Variants in LRMDA observed in about 807,000 individuals in gnomAD.
The protein encoded by LRMDA is leucine rich melanocyte differentiation associated, also known as leucine-rich melanocyte differentiation-associated protein.
In LRMDA, 18 loss-of-function variants were observed where a neutral mutation model predicts 29.8. That is an observed-to-expected ratio of 0.60 (90% CI 0.42 to 0.90). LRMDA has a LOEUF of 0.90. Ranked by LOEUF, LRMDA falls within the 40% of genes least tolerant of loss-of-function variation. The pLI is 0.00. For missense variants in LRMDA, 273 were observed against 273.9 expected, an observed-to-expected ratio of 1.00 and a Z score of 0.02; for synonymous variants, 125 against 109.4, an observed-to-expected ratio of 1.14 and a Z score of -0.89.
chr10:75,706,807 G>A (rs986910434), intron 2 of LRMDA, among the ~76,000 whole-genome samples: 5 of 147,050 alleles, frequency 3.4e-5, no homozygotes, highest in African/African-American at 1.0e-4. Context: ...CAGCTTTTAC[G>A]GAGTCAGAAT....
chr10:75,678,259 T>C (rs905056575), intron 2 of LRMDA, among the ~76,000 whole-genome samples: 14 of 152,134 alleles, frequency 9.2e-5, no homozygotes, highest in African/African-American at 3.4e-4. Context: ...ACTAGAACTC[T>C]CCTAGTCAAA....
intron 5 of LRMDA, among the ~76,000 whole-genome samples, chr10:76,125,301 T>C (rs1360349731): frequency 6.6e-6 from 1 of 152,186 alleles, no homozygotes; most frequent in Non-Finnish European, 1.5e-5. Context: ...TGCGTTCGGC[T>C]GTGTTGTGCA....
chr10:76,033,278 T>G (rs1055224117), intron 2 of LRMDA, among the ~76,000 whole-genome samples: 2 of 152,138 alleles, frequency 1.3e-5, no homozygotes, highest in African/African-American at 4.8e-5. Flanking sequence ...AAACAAGGAT[T>G]TATTCATTAG....
At chr10:75,812,090 T>G (rs1451323490) in intron 2 of LRMDA, among the ~76,000 whole-genome samples, 1 of 150,098 alleles carries the variant, frequency 6.7e-6, no homozygotes, top group East Asian at 2.0e-4. Flanking sequence ...TAATAGTTTC[T>G]AAGGGGCTTT....
intron 2 of LRMDA, among the ~76,000 whole-genome samples, chr10:75,765,853 A>T (rs1843157636): frequency 6.9e-6 from 1 of 145,320 alleles, no homozygotes; most frequent in African/African-American, 2.6e-5. Context: ...GTGTGTCATG[A>T]TGCTGCTGAG....
chr10:76,522,868 G>A (rs923211236), intron 6 of LRMDA, among the ~76,000 whole-genome samples: 5 of 152,052 alleles, frequency 3.3e-5, no homozygotes, highest in African/African-American at 7.2e-5. Context: ...GTTGTAAGCC[G>A]CCTGAGCAGT....
rs1043483867 is a variant in LRMDA, at chr10:76,047,052, C to G, written c.259-112C>G. Reference sequence around the variant, plus strand: ...CCACAGCTGAATTGATTTCAGCCCCCACCCTGAGGTCTCACAGGAGCAGAC... The same window carrying G: ...CCACAGCTGAATTGATTTCAGCCCCGACCCTGAGGTCTCACAGGAGCAGAC... On this transcript the variant is annotated intron_variant, in intron 3 of 6. Coordinates refer to ENST00000611255, the MANE Select transcript of LRMDA (RefSeq NM_001305581.2). 7 of 1,155,432 alleles carry G rather than the reference C, an allele frequency of 6.1e-6. No homozygotes were observed. In the East Asian group the frequency reaches 7.2e-5, roughly 12 times the overall value. The allele number at this position is 1,155,432 out of a possible 1,614,324, so 71.6% of individuals were successfully genotyped here. A position where few individuals can be genotyped will look rare whatever the true frequency, so the allele number is the denominator to read the frequency against.
At chr10:76,273,576 A>T (rs1289813966) in intron 5 of LRMDA, among the ~76,000 whole-genome samples, 1 of 152,174 alleles carries the variant, frequency 6.6e-6, no homozygotes, top group Non-Finnish European at 1.5e-5. Context: ...TTGTACTATT[A>T]TGTACCCAGT....
intron 4 of LRMDA, among the ~76,000 whole-genome samples, 184 bp downstream of exon 4, chr10:76,047,487 C>T (rs193209091): frequency 6.6e-6 from 1 of 152,292 alleles, no homozygotes; most frequent in East Asian, 1.9e-4. Context: ...GTCACAAAAG[C>T]TAAGAAAGAT....
At chr10:76,434,443 T>G (rs1166347206) in intron 6 of LRMDA, among the ~76,000 whole-genome samples, 1 of 152,152 alleles carries the variant, frequency 6.6e-6, no homozygotes, top group Non-Finnish European at 1.5e-5. Context: ...TGAAACATGA[T>G]TGCTTCTTTC....
chr10:75,920,934 C>A (rs537670821), intron 2 of LRMDA, among the ~76,000 whole-genome samples: 1 of 152,244 alleles, frequency 6.6e-6, no homozygotes, highest in East Asian at 1.9e-4. Flanking sequence ...AGAGTAATTT[C>A]CTAGAGAGAG....
chr10:75,683,539 G>A (rs1472145470), intron 2 of LRMDA, among the ~76,000 whole-genome samples: 3 of 152,148 alleles, frequency 2.0e-5, no homozygotes, highest in African/African-American at 7.2e-5. Context: ...AACATTGCAT[G>A]CTACAGTAAT....
chr10:75,798,944 T>A (rs948814480), intron 2 of LRMDA, among the ~76,000 whole-genome samples: 2 of 152,194 alleles, frequency 1.3e-5, no homozygotes, highest in African/African-American at 4.8e-5. Context: ...TTATTTTAAT[T>A]ATCATTATGG....
intron 2 of LRMDA, chr10:75,450,963 T>TACA: frequency 6.6e-6 from 1 of 152,374 alleles, no homozygotes; most frequent in South Asian, 2.1e-4. Flanking sequence ...AGCTGGCATG[T>TACA]GATGCCGTTT....
At chr10:76,020,742 C>T (rs993943535) in intron 2 of LRMDA, among the ~76,000 whole-genome samples, 6 of 152,298 alleles carry the variant, frequency 3.9e-5, no homozygotes, top group Admixed American at 2.6e-4. Context: ...AAGACCCCAG[C>T]GAGAGCCCCC....
chr10:76,091,708 G>T (rs747400144), intron 5 of LRMDA, among the ~76,000 whole-genome samples: 7 of 152,034 alleles, frequency 4.6e-5, no homozygotes, highest in Non-Finnish European at 1.0e-4. Context: ...TTCTTTTAGA[G>T]GTAGAGTCTC....
Position 75,555,090 on chromosome 10 carries a change from T to C in LRMDA, c.131+116596T>C, listed in dbSNP as rs181275140. On this transcript the variant is annotated intron_variant, in intron 2 of 6. Transcript: ENST00000611255. ...GATGAGAAGGGACAGTCTCTGATTCTGATGGGGAGGAGTTTGGTGGGCCCT... is the reference window on the plus strand; with the variant it reads ...GATGAGAAGGGACAGTCTCTGATTCCGATGGGGAGGAGTTTGGTGGGCCCT... Among the ~76,000 whole-genome samples the C allele has an allele frequency of 1.3e-3, 203 of 152,208 alleles. 2 individuals carry two copies. In the South Asian group the frequency reaches 0.015, roughly 12 times the overall value.
intron 5 of LRMDA, among the ~76,000 whole-genome samples, chr10:76,257,290 T>C (rs1024093689): frequency 1.3e-5 from 2 of 151,846 alleles, no homozygotes; most frequent in Non-Finnish European, 2.9e-5. Flanking sequence ...AATTATCTGC[T>C]CTGGGTATCA....
chr10:76,130,511 C>T (rs1180362380), intron 5 of LRMDA, among the ~76,000 whole-genome samples: 2 of 152,150 alleles, frequency 1.3e-5, no homozygotes, highest in East Asian at 1.9e-4. Flanking sequence ...AAAACTTCTT[C>T]GGTCAGAAGC....
Sources: gnomAD v4.1 joint callset for allele counts (sites outside exome capture counted in the v4.1 genomes callset) on GRCh38, gnomAD v4.1.1 for gene constraint, MANE v1.5 for transcripts, NCBI Gene and HGNC (gene_info 2026-07-23, HGNC 2026-07-21) for gene names.